The following NCKAP5 variants were observed in gnomAD, a reference collection of about 807,000 sequenced individuals.
The protein encoded by NCKAP5 is nck-associated protein 5.
NCKAP5 carries 92 observed loss-of-function variants against 167.0 expected under a neutral mutation model. The observed-to-expected ratio is 0.55, with a 90% CI of 0.47 to 0.66. NCKAP5 has a LOEUF of 0.66. Ranked by LOEUF, NCKAP5 falls within the 30% of genes least tolerant of loss-of-function variation. The pLI is 0.00. For missense variants in NCKAP5, 2,378 were observed against 2,315.0 expected (o/e 1.03, Z -0.56); for synonymous variants, 891 against 877.4 (o/e 1.02, Z -0.27).
chr2:133,532,734 T>C (rs950078538), intron 2 of NCKAP5, among the ~76,000 whole-genome samples: 3 of 152,186 alleles, frequency 2.0e-5, no homozygotes, highest in African/African-American at 7.2e-5. Flanking sequence ...CCAGAATTCT[T>C]TAATTTTTCC....
At chr2:133,586,510 A>G in the NCKAP5 span, among the ~76,000 whole-genome samples, 3 of 152,282 alleles carry the variant, frequency 2.0e-5, no homozygotes, top group African/African-American at 7.2e-5. Context: ...CTTCAGGAAA[A>G]GAGGTAACAG....
At chr2:133,362,625 G>C (rs375830527) in intron 3 of NCKAP5, among the ~76,000 whole-genome samples, 1 of 152,118 alleles carries the variant, frequency 6.6e-6, no homozygotes, top group African/African-American at 2.4e-5. Context: ...AGAAATCAAT[G>C]GTCACTAGGA....
intron 3 of NCKAP5, among the ~76,000 whole-genome samples, chr2:133,384,179 T>G (rs1217399252): frequency 6.6e-6 from 1 of 152,256 alleles, no homozygotes; most frequent in Admixed American, 6.5e-5. Flanking sequence ...CTAGGGTTTT[T>G]ATGGTTTCAG....
At chr2:132,966,961 C>CTA (rs2076688296) in intron 7 of NCKAP5, among the ~76,000 whole-genome samples, 1 of 152,156 alleles carries the variant, frequency 6.6e-6, no homozygotes, top group Admixed American at 6.5e-5. Context: ...GCTAAAACAA[C>CTA]AAGGCACAGT....
intron 5 of NCKAP5, among the ~76,000 whole-genome samples, chr2:133,187,468 T>G (rs2084997849): frequency 2.6e-5 from 4 of 152,172 alleles, no homozygotes; most frequent in African/African-American, 9.6e-5. Flanking sequence ...AGTGGGAAGA[T>G]CCCTTGAACC....
intron 3 of NCKAP5, among the ~76,000 whole-genome samples, chr2:133,432,484 C>A (rs112666248): frequency 6.6e-6 from 1 of 152,162 alleles, no homozygotes; most frequent in African/African-American, 2.4e-5. Flanking sequence ...CCTGTTGTTG[C>A]TATTAAGCCA....
At chr2:133,489,828 C>T (rs1681282158) in intron 3 of NCKAP5, among the ~76,000 whole-genome samples, 1 of 152,144 alleles carries the variant, frequency 6.6e-6, no homozygotes, top group South Asian at 2.1e-4. Flanking sequence ...AGAAATGTAC[C>T]TAAGGACCTT....
chr2:132,952,457 C>A lies in NCKAP5; in HGVS notation c.579+11263G>T, dbSNP rs1005381863. Among the ~76,000 whole-genome samples the A allele has an allele frequency of 2.0e-5, 3 of 152,268 alleles. No individual in the cohort carries two copies. The South Asian group carries it at 6.2e-4, about 32-fold the overall frequency. ...AATGCAGGGCAGTCACAGACCCCCC[C>A]CACTCCTTGGCTTACCTCACACTAA... On this transcript the variant is annotated intron_variant, in intron 8 of 19. Transcript: ENST00000409261.
intron 4 of NCKAP5, among the ~76,000 whole-genome samples, chr2:133,252,670 C>A (rs1272088364): frequency 1.3e-5 from 2 of 152,118 alleles, no homozygotes; most frequent in East Asian, 3.9e-4. Flanking sequence ...GGGTCTGAGC[C>A]CCCATGAGAC....
intron 11 of NCKAP5, among the ~76,000 whole-genome samples, chr2:132,824,390 G>A (rs1394552449): frequency 6.6e-6 from 1 of 152,164 alleles, no homozygotes; most frequent in East Asian, 1.9e-4. Context: ...GTTAAGAGGG[G>A]ATGAAGAACA....
chr2:133,591,436 T>C, the NCKAP5 span, among the ~76,000 whole-genome samples: 1 of 152,182 alleles, frequency 6.6e-6, no homozygotes, highest in Non-Finnish European at 1.5e-5. Context: ...TTCCACTGCA[T>C]TGGAAACACA....
intron 3 of NCKAP5, among the ~76,000 whole-genome samples, chr2:133,410,926 T>C (rs1302373166): frequency 1.3e-5 from 2 of 152,166 alleles, no homozygotes; most frequent in Non-Finnish European, 2.9e-5. Flanking sequence ...TTATCAACAG[T>C]TCCCCAGGGA....
intron 6 of NCKAP5, among the ~76,000 whole-genome samples, chr2:133,016,880 C>T (rs13390873): frequency 0.26 from 39,137 of 151,996 alleles, 5,675 homozygotes; most frequent in East Asian, 0.62. Flanking sequence ...TTATGGATTG[C>T]CACTCAAATG....
chr2:133,614,334 G>A, the NCKAP5 span, among the ~76,000 whole-genome samples: 2 of 152,252 alleles, frequency 1.3e-5, no homozygotes, highest in East Asian at 3.9e-4. Flanking sequence ...GAAGGCTTCA[G>A]AAGATCAAAT....
chr2:133,275,872 T>A (rs546329980), intron 4 of NCKAP5, among the ~76,000 whole-genome samples: 1 of 151,202 alleles, frequency 6.6e-6, no homozygotes, highest in Non-Finnish European at 1.5e-5. Context: ...GGTGAATAAA[T>A]CACCAATAAA....
At chr2:132,833,998 T>A (rs1334035339) in intron 11 of NCKAP5, among the ~76,000 whole-genome samples, 1 of 152,182 alleles carries the variant, frequency 6.6e-6, no homozygotes, top group Non-Finnish European at 1.5e-5. Flanking sequence ...AATTAGATGA[T>A]TTTCTACTTG....
At chr2:133,394,864 C>T (rs1687640295) in intron 3 of NCKAP5, among the ~76,000 whole-genome samples, 1 of 152,152 alleles carries the variant, frequency 6.6e-6, no homozygotes, top group Non-Finnish European at 1.5e-5. Context: ...AAATGCAAAA[C>T]CCATGGTCTT....
intron 8 of NCKAP5, among the ~76,000 whole-genome samples, chr2:132,922,286 A>G (rs1695497242): frequency 6.6e-6 from 1 of 152,188 alleles, no homozygotes; most frequent in African/African-American, 2.4e-5. Flanking sequence ...GACCCATTCT[A>G]TGTACAAAGT....
At chr2:133,406,165 TAGA>T (rs1328261317) in intron 3 of NCKAP5, among the ~76,000 whole-genome samples, 1 of 152,212 alleles carries the variant, frequency 6.6e-6, no homozygotes, top group Admixed American at 6.5e-5. Context: ...CTGGAACAGT[TAGA>T]AGAAGAGAGG....
Sources: allele counts gnomAD v4.1 joint callset (sites outside exome capture counted in the v4.1 genomes callset), GRCh38; gene constraint gnomAD v4.1.1; transcripts MANE v1.5; gene names NCBI Gene and HGNC (gene_info 2026-07-23, HGNC 2026-07-21).